PKD1L3: variants seen among roughly 807,000 people sequenced by gnomAD.
PKD1L3 encodes polycystin 1 like 3, transient receptor potential channel interacting.
In PKD1L3, 239 loss-of-function variants were observed where a neutral mutation model predicts 184.1. That is an observed-to-expected ratio of 1.30 (90% CI 1.17 to 1.45). PKD1L3 has a LOEUF of 1.45. PKD1L3 is among the 40% of genes most tolerant of loss of function. PKD1L3 has a pLI of 0.00. For missense variants in PKD1L3, 2,660 were observed against 2,067.2 expected (o/e 1.29, Z -5.56); for synonymous variants, 996 against 778.8 (o/e 1.28, Z -4.64).
chr16:71,943,132 T>A, intron 23 of PKD1L3, 108 bp from the exon 24 acceptor site: 2 of 813,260 alleles, frequency 2.5e-6, no homozygotes, highest in Non-Finnish European at 3.8e-6. Flanking sequence ...TCAAAACCAG[T>A]CAAAAACTGG....
At position 71,934,245 on chromosome 16, in the gene PKD1L3, A is replaced by G. The variant is rs1236585237; in HGVS notation, c.4614-120T>C. 7 of 844,908 alleles carry G rather than the reference A, an allele frequency of 8.3e-6. 1 individual carries two copies. Among genetic ancestry groups the G allele is most frequent in the South Asian group, 3.2e-5 (2 of 61,796 alleles). 52.3% of individuals were successfully genotyped at this position (844,908 alleles called of 1,614,324 possible). On this transcript the variant is annotated intron_variant, in intron 26 of 29. Transcript: ENST00000620267. ...GTCCTGTGAGGTCAAATGCTTGTTG[A>G]TGTGAGAACTGCTTTCTATTGTGGC...
intron 22 of PKD1L3, 78 bp from the exon 23 acceptor site, chr16:71,944,248 T>A: frequency 7.8e-7 from 1 of 1,275,150 alleles, no homozygotes; most frequent in Non-Finnish European, 1.1e-6. Flanking sequence ...GAGCATCTAC[T>A]GTGAGCACCT....
intron 18 of PKD1L3, among the ~76,000 whole-genome samples, chr16:71,952,536 C>T (rs796815378): frequency 6.9e-5 from 10 of 145,810 alleles, no homozygotes; most frequent in African/African-American, 2.5e-4. Context: ...CGTAATTTAT[C>T]TGTAAAATTT....
Position 71,976,264 on chromosome 16 carries a change from C to T in PKD1L3, c.1759+972G>A, listed in dbSNP as rs867627808. Reference sequence around the variant, plus strand: ...ATGAGCCACTGAGTGCCCAGCCTGTCTTTTTTTTTTTTTTTTAAGACAGTC... The same window carrying T: ...ATGAGCCACTGAGTGCCCAGCCTGTTTTTTTTTTTTTTTTTTAAGACAGTC... On this transcript the variant is annotated intron_variant, in intron 11 of 29. Coordinates refer to ENST00000620267, the MANE Select transcript of PKD1L3 (RefSeq NM_181536.2). 9.8e-4 allele frequency among the ~76,000 whole-genome samples: 80 copies of T among 81,754 alleles called. 1 individual carries two copies. Among genetic ancestry groups the T allele is most frequent in the South Asian group, 1.1e-3 (2 of 1,810 alleles). The allele number at this position is 81,754 out of a possible 152,430, so 53.6% of individuals were successfully genotyped here.
chr16:71,995,178 G>C (rs996767227), intron 2 of PKD1L3, among the ~76,000 whole-genome samples: 1 of 152,098 alleles, frequency 6.6e-6, no homozygotes, highest in Non-Finnish European at 1.5e-5. Flanking sequence ...ACCTCGTAAG[G>C]TGAAAAGGCA....
chr16:71,966,869 T>G (rs574198967), intron 15 of PKD1L3, among the ~76,000 whole-genome samples: 3 of 152,344 alleles, frequency 2.0e-5, no homozygotes, highest in African/African-American at 7.2e-5. Flanking sequence ...ATTGGTGTTA[T>G]TTGCTGTTCA....
intron 19 of PKD1L3, among the ~76,000 whole-genome samples, chr16:71,950,834 G>C (rs538350509): frequency 2.7e-5 from 4 of 150,556 alleles, no homozygotes; most frequent in South Asian, 4.2e-4. Context: ...CCGGGTTCAA[G>C]TGATCCTCCT....
chr16:71,951,525 C>G, intron 19 of PKD1L3, 39 bp downstream of exon 19: 1 of 1,517,042 alleles, frequency 6.6e-7, no homozygotes, highest in Non-Finnish European at 8.9e-7. Flanking sequence ...GAGTGGGAGG[C>G]AGATGGAAGA....
rs2038409189 is a variant in PKD1L3 at position 71,942,845 on chromosome 16, A to C, written c.4039T>G (p.Tyr1347Asp). The part of the protein sequence containing the change: ...HILLPSLYGD[Y>D]RGKNAVLEPS... ...TCCAGGACTGCATTCTTACCTCTGTAATCCCCATACAGGCTAGGAAGAAGG... is the reference window on the plus strand; with the variant it reads ...TCCAGGACTGCATTCTTACCTCTGTCATCCCCATACAGGCTAGGAAGAAGG... Residue 1347 changes from tyrosine to aspartate, a missense_variant, in exon 24 of 30, where the codon TAC becomes GAC. Coordinates refer to ENST00000620267, the MANE Select transcript of PKD1L3 (RefSeq NM_181536.2). 1.9e-6 allele frequency: 3 copies of C among 1,551,548 alleles called. No individual in the cohort carries two copies. In the South Asian group the frequency reaches 3.6e-5, roughly 18 times the overall value.
At chr16:71,964,547 G>A (rs558762405) in intron 15 of PKD1L3, among the ~76,000 whole-genome samples, 19 of 151,348 alleles carry the variant, frequency 1.3e-4, no homozygotes, top group Non-Finnish European at 2.8e-4. Context: ...CTGTGTTATA[G>A]CCAGGATGGT....
At chr16:71,970,898 TACA>T (rs1296611325) in intron 12 of PKD1L3, among the ~76,000 whole-genome samples, 1 of 152,186 alleles carries the variant, frequency 6.6e-6, no homozygotes, top group Non-Finnish European at 1.5e-5. Context: ...GCTAAGTGAA[TACA>T]ACAAGAGATA....
chr16:71,960,571 T>C (rs80128708), intron 16 of PKD1L3, among the ~76,000 whole-genome samples: 1 of 123,756 alleles, frequency 8.1e-6, no homozygotes, highest in Non-Finnish European at 1.8e-5. Context: ...AGAAATAACA[T>C]ACACTTAAAT....
In PKD1L3 at chr16:71,977,560, CTT is replaced by C. The variant is rs1555523481; in HGVS notation, c.1528-95_1528-94del. On this transcript the variant is annotated intron_variant, in intron 10 of 29. Coordinates refer to ENST00000620267, the MANE Select transcript of PKD1L3 (RefSeq NM_181536.2). ...GATAAGGTAAGGAAACGTCCTAGCT[CTT>C]TTTTTTTTTTTTTTTTTTGAGATGG... 1.0e-2 allele frequency: 5,331 copies of C among 534,974 alleles called. 1 individual carries two copies. The highest frequency in any genetic ancestry group is 0.018 in the East Asian group (450 of 24,328). The allele number at this position is 534,974 out of a possible 1,614,324, so 33.1% of individuals were successfully genotyped here.
In PKD1L3 at chr16:71,984,790, CAG is replaced by C. The variant is rs558771601; in HGVS notation, c.835-625_835-624del. 2.0e-4 allele frequency among the ~76,000 whole-genome samples: 31 copies of C among 152,262 alleles called. No homozygotes were observed. In the East Asian group the frequency reaches 6.0e-3, roughly 29 times the overall value. On this transcript the variant is annotated intron_variant, in intron 5 of 29. Transcript: ENST00000620267. ...AGGAGAATCTCTTGAACCCGGGAGG[CAG>C]AGGTTGCAGTGAGCCGAGATTGCGC...
At chr16:71,936,006 G>A (rs2038162231) in intron 25 of PKD1L3, among the ~76,000 whole-genome samples, 1 of 151,760 alleles carries the variant, frequency 6.6e-6, no homozygotes, top group Non-Finnish European at 1.5e-5. Flanking sequence ...ATTTTGCCCA[G>A]GCTAGTCTTG....
Position 71,950,220 on chromosome 16 carries a change from T to C in PKD1L3, c.3281A>G (p.Gln1094Arg). Residue 1094 changes from glutamine (Q) to arginine (R), a missense_variant, in exon 20 of 30, where the codon CAG becomes CGG. Physicochemically the swap from Gln to Arg is conservative, Grantham distance 43. Coordinates refer to ENST00000620267, the MANE Select transcript of PKD1L3 (RefSeq NM_181536.2). Reference sequence around the variant, plus strand: ...TAGGAAGTCACAGGACTGGTGACCCTGGGTGAGACCCAGCGTGCCTAAGTG... The same window carrying C: ...TAGGAAGTCACAGGACTGGTGACCCCGGGTGAGACCCAGCGTGCCTAAGTG... ...KSHLGTLGLT[Q>R]GHQSCDFLDA... The C allele has an allele frequency of 1.9e-6, 3 of 1,552,248 alleles. No homozygotes were observed. The highest frequency in any genetic ancestry group is 1.7e-4 in the Middle Eastern group (1 of 5,994).
rs181448862 is a variant in PKD1L3, at chr16:71,976,160, G to A, written c.1759+1076C>T. On this transcript the variant is annotated intron_variant, in intron 11 of 29. Coordinates refer to ENST00000620267, the MANE Select transcript of PKD1L3 (RefSeq NM_181536.2). ...ATGGGGTTTCACCGTGTGGGCCAGCGTAGTCTTAAACTCCTGACCTAAGTT... is the reference window on the plus strand; with the variant it reads ...ATGGGGTTTCACCGTGTGGGCCAGCATAGTCTTAAACTCCTGACCTAAGTT... Among the ~76,000 whole-genome samples the A allele has an allele frequency of 2.3e-3, 342 of 151,260 alleles. 2 individuals are homozygous for A. The highest frequency in any genetic ancestry group is 2.7e-3 in the Non-Finnish European group (186 of 67,858).
chr16:71,929,842 G>T, intron 29 of PKD1L3, 164 bp from the exon 30 acceptor site: 1 of 950,564 alleles, frequency 1.1e-6, no homozygotes, highest in Non-Finnish European at 1.5e-6. Context: ...ATGGTTGCGA[G>T]CCAACTATTT....
In PKD1L3 at chr16:71,951,553, C is replaced by T; in HGVS notation, c.3190+11G>A. On this transcript the variant is annotated intron_variant, in intron 19 of 29. Transcript: ENST00000620267. Reference sequence around the variant, plus strand: ...ATGGAAGATTCGTTACTGAAATCTACTGAAGTTTACCACGTGCCCAGTGGC... The same window carrying T: ...ATGGAAGATTCGTTACTGAAATCTATTGAAGTTTACCACGTGCCCAGTGGC... The T allele has an allele frequency of 3.2e-6, 5 of 1,544,138 alleles. No individual in the cohort carries two copies. The highest frequency in any genetic ancestry group is 4.4e-6 in the Non-Finnish European group (5 of 1,143,494).
Sources: gnomAD v4.1 joint callset for allele counts (sites outside exome capture counted in the v4.1 genomes callset) on GRCh38, gnomAD v4.1.1 for gene constraint, MANE v1.5 for transcripts, NCBI Gene and HGNC (gene_info 2026-07-23, HGNC 2026-07-21) for gene names.